ALS2: variants seen among roughly 807,000 people sequenced by gnomAD.
The protein encoded by ALS2 is alsin.
A neutral mutation model predicts 203.4 loss-of-function variants in ALS2; 117 were observed. The observed-to-expected ratio is 0.58, with a 90% CI of 0.50 to 0.67. The LOEUF (loss-of-function observed/expected upper bound fraction) is 0.67, where lower values mean the gene tolerates loss of function less well. ALS2 is among the 30% of genes least tolerant of loss of function. The pLI is 0.00. For synonymous variants in ALS2, 718 were observed against 725.9 expected, an observed-to-expected ratio of 0.99 and a Z score of 0.17; for missense variants, 1,715 against 1,989.4, an observed-to-expected ratio of 0.86 and a Z score of 2.62.
Position 201,754,681 on chromosome 2 carries a change from A to G in ALS2, c.1472-10T>C. 1.9e-6 allele frequency: 3 copies of G among 1,614,102 alleles called. No individual in the cohort carries two copies. Among genetic ancestry groups the G allele is most frequent in the Non-Finnish European group, 2.5e-6 (3 of 1,179,980 alleles). Reference sequence around the variant, plus strand: ...AAGAGCCTGGGGGAAACTGAAAACCAACCAGACGTGGGGTGAAGGAGTGGG... The same window carrying G: ...AAGAGCCTGGGGGAAACTGAAAACCGACCAGACGTGGGGTGAAGGAGTGGG... On this transcript the variant is annotated splice_polypyrimidine_tract_variant and intron_variant, in intron 5 of 33. Transcript: ENST00000264276.
intron 1 of ALS2, among the ~76,000 whole-genome samples, chr2:201,775,102 T>A (rs2106116036): frequency 6.6e-6 from 1 of 152,302 alleles, no homozygotes; most frequent in East Asian, 1.9e-4. Context: ...GTAATGTTAA[T>A]CAGTGATTAG....
chr2:201,740,567 T>C (rs575468020), intron 11 of ALS2, among the ~76,000 whole-genome samples: 2 of 152,272 alleles, frequency 1.3e-5, no homozygotes, highest in South Asian at 2.1e-4. Flanking sequence ...AAAAAGAAAC[T>C]AGTATCAAGT....
At chr2:201,720,777 A>T (rs1243766152) in intron 23 of ALS2, among the ~76,000 whole-genome samples, 2 of 152,116 alleles carry the variant, frequency 1.3e-5, no homozygotes, top group African/African-American at 4.8e-5. Context: ...ATAGAAAACA[A>T]TGTAAAGATG....
At chr2:201,769,850 G>A (rs917628479) in intron 1 of ALS2, among the ~76,000 whole-genome samples, 3 of 152,126 alleles carry the variant, frequency 2.0e-5, no homozygotes, top group Non-Finnish European at 2.9e-5. Context: ...AGCTCATACT[G>A]GCAGGAGTGA....
chr2:201,739,339 A>G (rs1000341721), intron 11 of ALS2, among the ~76,000 whole-genome samples: 1 of 152,144 alleles, frequency 6.6e-6, no homozygotes, highest in African/African-American at 2.4e-5. Context: ...CTACCAAGCA[A>G]TATCTATTAC....
chr2:201,779,176 TG>T lies in ALS2; in HGVS notation c.-61+1700del, dbSNP rs1694787868. The stretch of plus-strand genomic sequence containing the variant: ...AATGACAGCCCAAATTCTGAAAAAC[TG>T]AAATTTGGAGAGAAGGGATTCCTGT... On this transcript the variant is annotated intron_variant, in intron 1 of 33. Transcript: ENST00000264276. Among the ~76,000 whole-genome samples the T allele has an allele frequency of 2.0e-5, 3 of 152,298 alleles. No homozygotes were observed. In the South Asian group the frequency reaches 6.2e-4, roughly 32 times the overall value.
At chr2:201,704,681 TTCCC>T in intron 31 of ALS2, 78 bp from the exon 32 acceptor site, 1 of 1,528,536 alleles carries the variant, frequency 6.5e-7, no homozygotes, top group South Asian at 1.1e-5. Context: ...TTTGACAATA[TTCCC>T]TCCTGGGATT....
intron 12 of ALS2, among the ~76,000 whole-genome samples, chr2:201,737,830 G>C (rs892474183): frequency 2.6e-5 from 4 of 152,002 alleles, no homozygotes; most frequent in African/African-American, 9.7e-5. Context: ...GCTGAGGCAG[G>C]AGAATTGCTT....
rs1574715987 is a variant in ALS2, at chr2:201,730,311, A to G, written c.2581-1128T>C. On this transcript the variant is annotated intron_variant, in intron 13 of 33. Coordinates refer to ENST00000264276, the MANE Select transcript of ALS2 (RefSeq NM_020919.4). The stretch of plus-strand genomic sequence containing the variant: ...CCATCTATGATTGTGGATTGGACAT[A>G]TGGAAAATATCGGTTGACTGAATTA... Among the ~76,000 whole-genome samples, 4 of 152,272 alleles carry G rather than the reference A, an allele frequency of 2.6e-5. No individual in the cohort carries two copies. In the South Asian group the frequency reaches 8.3e-4, roughly 32 times the overall value.
Position 201,757,641 on chromosome 2 carries a change from T to G in ALS2, c.1232A>C (p.Tyr411Ser), listed in dbSNP as rs766500168. The G allele has an allele frequency of 6.2e-7, 1 of 1,614,064 alleles. No homozygotes were observed. Among genetic ancestry groups the G allele is most frequent in the Admixed American group, 1.7e-5 (1 of 60,000 alleles). Residue 411 changes from tyrosine to serine, a missense_variant, in exon 5 of 34, where the codon TAT becomes TCT. This residue lies in a region of ALS2 where 476 missense variants were observed against 539.3 expected (regional missense o/e 0.88). Transcript: ENST00000264276. The part of the protein sequence containing the change: ...SAVGVRVAAT[Y>S]EAGALSLKKV... The stretch of plus-strand genomic sequence containing the variant: ...CTTCAGTGACAAGGCACCAGCTTCA[T>G]AAGTAGCAGCCACTCTCACACCAAC...
intron 23 of ALS2, among the ~76,000 whole-genome samples, chr2:201,720,943 G>A (rs919345062): frequency 1.3e-5 from 2 of 151,880 alleles, no homozygotes; most frequent in African/African-American, 4.8e-5. Flanking sequence ...GAAATCCTAA[G>A]AAATCCACAC....
intron 3 of ALS2, chr2:201,763,245 TGACA>T (rs1159264220): frequency 5.4e-6 from 1 of 183,554 alleles, no homozygotes; most frequent in Non-Finnish European, 1.1e-5. Flanking sequence ...CCTTGCAAGG[TGACA>T]GACTGCTGTG....
chr2:201,776,513 A>G (rs1310472594), intron 1 of ALS2, among the ~76,000 whole-genome samples: 1 of 152,210 alleles, frequency 6.6e-6, no homozygotes, highest in Non-Finnish European at 1.5e-5. Context: ...GATGAATATT[A>G]TAATACTAAC....
intron 1 of ALS2, among the ~76,000 whole-genome samples, chr2:201,776,583 T>C (rs1229286277): frequency 1.3e-5 from 2 of 152,150 alleles, no homozygotes; most frequent in African/African-American, 4.8e-5. Context: ...CATGGTACAG[T>C]GAATGTCCTG....
At chr2:201,752,378 C>A (rs1454237971) in intron 7 of ALS2, among the ~76,000 whole-genome samples, 1 of 151,992 alleles carries the variant, frequency 6.6e-6, no homozygotes, top group Admixed American at 6.6e-5. Context: ...TATAATAAAG[C>A]CAGTAATTTT....
chr2:201,733,581 C>G, intron 12 of ALS2, 143 bp from the exon 13 acceptor site: 1 of 729,986 alleles, frequency 1.4e-6, no homozygotes, highest in East Asian at 2.8e-5. Context: ...ATGAAATAAG[C>G]CAGATATAAT....
At chr2:201,705,546 C>T (rs1689656638) in intron 29 of ALS2, 85 bp from the exon 30 acceptor site, 2 of 1,009,274 alleles carry the variant, frequency 2.0e-6, no homozygotes, top group African/African-American at 3.2e-5. Context: ...GCTATATTGG[C>T]TTCCTTGTCC....
intron 1 of ALS2, among the ~76,000 whole-genome samples, chr2:201,774,872 T>A (rs1334273478): frequency 1.3e-5 from 2 of 152,198 alleles, no homozygotes; most frequent in Admixed American, 1.3e-4. Flanking sequence ...AGGTACTCAA[T>A]AAACATCTGT....
chr2:201,722,804 C>T (rs1174684071), intron 23 of ALS2: 1 of 535,500 alleles, frequency 1.9e-6, no homozygotes, highest in Non-Finnish European at 3.3e-6. Context: ...TAGTGGTTGG[C>T]TGGGACTTTA....
Sources: allele counts gnomAD v4.1 joint callset (sites outside exome capture counted in the v4.1 genomes callset), GRCh38; gene constraint gnomAD v4.1.1; regional missense constraint gnomAD v4.1.1; transcripts MANE v1.5; gene names NCBI Gene and HGNC (gene_info 2026-07-23, HGNC 2026-07-21).